The following INTS7 variants were observed in gnomAD, a reference collection of about 807,000 sequenced individuals.
INTS7 encodes the protein chromosome 1 open reading frame 73.
Under a neutral mutation model 109.2 loss-of-function variants are expected in INTS7, and 46 were observed. That is an observed-to-expected ratio of 0.42 (90% CI 0.33 to 0.54). The LOEUF is 0.54. INTS7 is among the 20% of genes least tolerant of loss of function. INTS7 has a pLI of 0.07. For missense variants in INTS7, 929 were observed against 1,132.4 expected, an observed-to-expected ratio of 0.82 and a Z score of 2.58; for synonymous variants, 412 against 402.9, an observed-to-expected ratio of 1.02 and a Z score of -0.27.
rs575053232 is a variant in INTS7 at position 212,032,746 on chromosome 1, G to A, written c.94+2598C>T. On this transcript the variant is annotated intron_variant, in intron 1 of 19. Transcript: ENST00000366994. ...CGCCCGCCTCAGCTTCCCAAAGTGCGGGGATTACAGGCGTGAACCACCACG... is the reference window on the plus strand; with the variant it reads ...CGCCCGCCTCAGCTTCCCAAAGTGCAGGGATTACAGGCGTGAACCACCACG... Among the ~76,000 whole-genome samples the A allele has an allele frequency of 4.3e-4, 65 of 152,144 alleles. 3 individuals carry two copies. In the South Asian group the frequency reaches 0.012, roughly 29 times the overall value.
intron 5 of INTS7, among the ~76,000 whole-genome samples, chr1:212,009,583 T>G (rs17018340): frequency 0.026 from 3,968 of 152,326 alleles, 58 homozygotes; most frequent in African/African-American, 0.046. Flanking sequence ...GTAACCTCTC[T>G]TTAACCTGTA....
chr1:212,009,233 C>A (rs186035059), intron 5 of INTS7, among the ~76,000 whole-genome samples: 1 of 152,284 alleles, frequency 6.6e-6, no homozygotes, highest in East Asian at 1.9e-4. Context: ...CCTGCTAATT[C>A]CTGTTCTTTC....
Position 211,959,512 on chromosome 1 carries a change from C to A in INTS7, c.2184-6811G>T, listed in dbSNP as rs928235321. 6.6e-5 allele frequency among the ~76,000 whole-genome samples: 10 copies of A among 152,192 alleles called. No individual in the cohort carries two copies. The highest frequency in any genetic ancestry group is 2.4e-4 in the African/African-American group (10 of 41,436). On this transcript the variant is annotated intron_variant, in intron 16 of 19. Coordinates refer to ENST00000366994, the MANE Select transcript of INTS7 (RefSeq NM_015434.4). This position sits in a 1 kb window ranked among gnomAD's most constrained non-coding sequence, Gnocchi z 4.2. ...ACCTGCTCCCTCCCCGTACTGGCAG[C>A]TTTCCCTGGGCCCATGGCCACCCTC...
At chr1:212,014,889 G>A (rs946368749) in intron 4 of INTS7, among the ~76,000 whole-genome samples, 5 of 152,296 alleles carry the variant, frequency 3.3e-5, no homozygotes, top group South Asian at 4.1e-4. Flanking sequence ...ATCTCCGCTC[G>A]CTATAACCTC....
At position 212,035,044 on chromosome 1, in the gene INTS7, A is replaced by T. The variant is rs188634560; in HGVS notation, c.94+300T>A. Among the ~76,000 whole-genome samples, 470 of 152,370 alleles carry T rather than the reference A, an allele frequency of 3.1e-3. 4 individuals carry two copies. The highest frequency in any genetic ancestry group is 2.7e-3 in the Admixed American group (42 of 15,304). ...TCACAATTTCTTTGCAGTGTCTCTT[A>T]GAAACTAGCCACTGTCACTGCTTAG... On this transcript the variant is annotated intron_variant, in intron 1 of 19. Transcript: ENST00000366994.
intron 9 of INTS7, among the ~76,000 whole-genome samples, chr1:211,981,903 G>A (rs1664685586): frequency 6.6e-6 from 1 of 152,130 alleles, no homozygotes; most frequent in African/African-American, 2.4e-5. Context: ...ATCCAAATCA[G>A]AATCAACTTT....
intron 7 of INTS7, among the ~76,000 whole-genome samples, chr1:211,990,285 TAAA>T (rs67427935): frequency 5.0e-4 from 73 of 145,798 alleles, no homozygotes; most frequent in Admixed American, 2.6e-3. Context: ...ACACAGCTGA[TAAA>T]AAAAAAAAAA....
At chr1:211,979,544 T>C (rs1435215915) in intron 10 of INTS7, among the ~76,000 whole-genome samples, 1 of 152,208 alleles carries the variant, frequency 6.6e-6, no homozygotes, top group Non-Finnish European at 1.5e-5. Context: ...ATAACAATAA[T>C]AATTACGACA....
At chr1:211,972,438 TG>T (rs1664222382) in intron 13 of INTS7, among the ~76,000 whole-genome samples, 1 of 152,166 alleles carries the variant, frequency 6.6e-6, no homozygotes, top group African/African-American at 2.4e-5. Context: ...TCAAAGGAAA[TG>T]TTCATTGGAA....
intron 4 of INTS7, among the ~76,000 whole-genome samples, chr1:212,013,313 G>T (rs965649487): frequency 6.6e-6 from 1 of 152,076 alleles, no homozygotes; most frequent in East Asian, 1.9e-4. Flanking sequence ...GAGACACTGT[G>T]CCCAGCTATG....
Position 211,959,152 on chromosome 1 carries a change from A to G in INTS7, c.2184-6451T>C, listed in dbSNP as rs1663497913. ...AGAGAAGTGTTAGGGGCCGTATTCT[A>G]GCCAATGCAGAGCCCAAAGGGTTTG... On this transcript the variant is annotated intron_variant, in intron 16 of 19. Transcript: ENST00000366994. The surrounding 1 kb of genome is among the most constrained non-coding windows in gnomAD (Gnocchi z 4.2). Among the ~76,000 whole-genome samples, 1 of 152,206 alleles carries G rather than the reference A, an allele frequency of 6.6e-6. No homozygotes were observed. The highest frequency in any genetic ancestry group is 2.1e-4 in the South Asian group (1 of 4,838).
intron 16 of INTS7, among the ~76,000 whole-genome samples, chr1:211,958,407 T>C (rs1663460385): frequency 6.6e-6 from 1 of 151,942 alleles, no homozygotes; most frequent in South Asian, 2.1e-4. Context: ...CTAAATAATA[T>C]TTTCTTCCCT....
At chr1:212,017,063 T>G (rs774729602) in intron 3 of INTS7, 40 bp from the exon 4 acceptor site, 112 of 1,526,010 alleles carry the variant, frequency 7.3e-5, no homozygotes, top group Admixed American at 9.3e-5. Context: ...GGGCATAAAA[T>G]AAAGTCAAGG....
Position 211,946,479 on chromosome 1 carries a change from A to C in INTS7, c.2415+128T>G. 1.7e-6 allele frequency: 1 copy of C among 580,322 alleles called. No homozygotes were observed. Among genetic ancestry groups the C allele is most frequent in the Non-Finnish European group, 3.0e-6 (1 of 333,716 alleles). 35.9% of individuals were successfully genotyped at this position (580,322 alleles called of 1,614,324 possible). A position where few individuals can be genotyped will look rare whatever the true frequency, so the allele number is the denominator to read the frequency against. Reference sequence around the variant, plus strand: ...CGACAGGGCGAGACTCTGTCTCAAAAAACAAAACAAAACAAAAAAACCAAT... The same window carrying C: ...CGACAGGGCGAGACTCTGTCTCAAACAACAAAACAAAACAAAAAAACCAAT... On this transcript the variant is annotated intron_variant, in intron 18 of 19. Coordinates refer to ENST00000366994, the MANE Select transcript of INTS7 (RefSeq NM_015434.4). This position sits in a 1 kb window ranked among gnomAD's most constrained non-coding sequence, Gnocchi z 4.3.
intron 7 of INTS7, among the ~76,000 whole-genome samples, chr1:211,993,679 C>CAAAAAAAAAAA (rs1333287349): frequency 5.5e-5 from 3 of 54,754 alleles, no homozygotes; most frequent in Non-Finnish European, 7.2e-5. Flanking sequence ...GACTAAAACT[C>CAAAAAAAAAAA]AAAAAAAAAA....
rs1422513005 is a variant in INTS7 at position 211,959,538 on chromosome 1, G to A, written c.2184-6837C>T. On this transcript the variant is annotated intron_variant, in intron 16 of 19. Coordinates refer to ENST00000366994, the MANE Select transcript of INTS7 (RefSeq NM_015434.4). This position sits in a 1 kb window ranked among gnomAD's most constrained non-coding sequence, Gnocchi z 4.2. ...TTTCCCTGGGCCCATGGCCACCCTC[G>A]ACATTGCTTTGCCTGCGTGTGCATG... Among the ~76,000 whole-genome samples the A allele has an allele frequency of 6.6e-6, 1 of 152,110 alleles. No individual in the cohort carries two copies. Among genetic ancestry groups the A allele is most frequent in the South Asian group, 2.1e-4 (1 of 4,824 alleles).
chr1:211,950,567 C>T (rs1340756715), intron 17 of INTS7, among the ~76,000 whole-genome samples: 4 of 152,174 alleles, frequency 2.6e-5, no homozygotes, highest in African/African-American at 7.2e-5. Flanking sequence ...CCACTGCGCC[C>T]GACCGGGAAA....
chr1:211,950,136 G>A (rs1334437424), intron 17 of INTS7, among the ~76,000 whole-genome samples: 1 of 152,174 alleles, frequency 6.6e-6, no homozygotes, highest in Non-Finnish European at 1.5e-5. Flanking sequence ...GACAACTTGA[G>A]GGAAGATCCT....
At chr1:212,033,731 A>G (rs1169427475) in intron 1 of INTS7, among the ~76,000 whole-genome samples, 1 of 152,188 alleles carries the variant, frequency 6.6e-6, no homozygotes, top group Non-Finnish European at 1.5e-5. Flanking sequence ...CCTGACCTGT[A>G]ACTTTCACTG....
Sources: allele counts gnomAD v4.1 joint callset (sites outside exome capture counted in the v4.1 genomes callset), GRCh38; gene constraint gnomAD v4.1.1; non-coding constraint Gnocchi (gnomAD v3.1); transcripts MANE v1.5; gene names NCBI Gene and HGNC (gene_info 2026-07-23, HGNC 2026-07-21).